KAT2B: variants seen among roughly 807,000 people sequenced by gnomAD.
The protein encoded by KAT2B is lysine acetyltransferase 2B, also known as histone acetyltransferase KAT2B.
Under a neutral mutation model 105.9 loss-of-function variants are expected in KAT2B, and 36 were observed. That is an observed-to-expected ratio of 0.34 (90% confidence interval 0.26 to 0.45). The LOEUF (loss-of-function observed/expected upper bound fraction) is 0.45. KAT2B is among the 20% of genes least tolerant of loss of function. KAT2B has a pLI of 1.00. For missense variants in KAT2B, 820 were observed against 1,021.6 expected, an observed-to-expected ratio of 0.80 and a Z score of 2.69; for synonymous variants, 397 against 377.9, an observed-to-expected ratio of 1.05 and a Z score of -0.59.
chr3:20,052,987 A>G (rs1056983792), intron 1 of KAT2B, among the ~76,000 whole-genome samples: 1 of 152,190 alleles, frequency 6.6e-6, no homozygotes, highest in Non-Finnish European at 1.5e-5. Flanking sequence ...CAAAAAAGAA[A>G]GATGAGGAAA....
chr3:20,117,841 A>T (rs1249143163), intron 7 of KAT2B, among the ~76,000 whole-genome samples: 4 of 152,198 alleles, frequency 2.6e-5, no homozygotes, highest in Admixed American at 2.6e-4. Context: ...CAGCTAGCAA[A>T]GCAGCATCCT....
intron 7 of KAT2B, among the ~76,000 whole-genome samples, chr3:20,116,730 G>T (rs1699213761): frequency 6.6e-6 from 1 of 152,114 alleles, no homozygotes; most frequent in Non-Finnish European, 1.5e-5. Flanking sequence ...GCTCAGCTAA[G>T]ATGCTTCCTT....
chr3:20,110,371 TA>T (rs149128893), intron 5 of KAT2B, among the ~76,000 whole-genome samples: 17 of 147,190 alleles, frequency 1.2e-4, no homozygotes, highest in Middle Eastern at 3.5e-3. Flanking sequence ...TTCTGGGAGA[TA>T]AAAAAAAAAT....
At chr3:20,062,102 TA>T (rs1559514078) in intron 1 of KAT2B, among the ~76,000 whole-genome samples, 2 of 50,202 alleles carry the variant, frequency 4.0e-5, no homozygotes, top group African/African-American at 1.1e-4. Context: ...ATAAAACATA[TA>T]ATATATATTA....
intron 2 of KAT2B, among the ~76,000 whole-genome samples, chr3:20,085,279 T>C: frequency 6.6e-6 from 1 of 152,218 alleles, no homozygotes; most frequent in East Asian, 1.9e-4. Flanking sequence ...TTGACCTAAT[T>C]GTCTGCAGAA....
intron 3 of KAT2B, among the ~76,000 whole-genome samples, chr3:20,095,705 G>A (rs1698796562): frequency 6.6e-6 from 1 of 152,160 alleles, no homozygotes; most frequent in East Asian, 1.9e-4. Context: ...TCTGCATGTG[G>A]CACTAACGTA....
chr3:20,048,093 A>G (rs549576486), intron 1 of KAT2B, among the ~76,000 whole-genome samples: 285 of 152,352 alleles, frequency 1.9e-3, no homozygotes, highest in Non-Finnish European at 3.3e-3. Context: ...CTTTAGCCAC[A>G]TAAGTTTATT....
At chr3:20,093,156 A>G (rs1698752610) in intron 2 of KAT2B, among the ~76,000 whole-genome samples, 1 of 152,190 alleles carries the variant, frequency 6.6e-6, no homozygotes, top group Admixed American at 6.5e-5. Context: ...ACTCTGAGAC[A>G]AGGATTTGAG....
chr3:20,047,082 T>C (rs200341228), intron 1 of KAT2B, among the ~76,000 whole-genome samples: 7 of 135,798 alleles, frequency 5.2e-5, no homozygotes, highest in East Asian at 3.2e-4. Context: ...TGCCCCCCCC[T>C]TTTTTTTTTC....
At chr3:20,096,498 T>C (rs1698814026) in intron 3 of KAT2B, among the ~76,000 whole-genome samples, 1 of 152,146 alleles carries the variant, frequency 6.6e-6, no homozygotes, top group Admixed American at 6.5e-5. Flanking sequence ...GAGGGCATTG[T>C]AGATTATGTT....
chr3:20,062,383 T>C (rs1250307840), intron 1 of KAT2B, among the ~76,000 whole-genome samples: 10 of 116,126 alleles, frequency 8.6e-5, no homozygotes, highest in Non-Finnish European at 1.4e-4. Context: ...ATATATTATA[T>C]ATAACATAAT....
intron 5 of KAT2B, among the ~76,000 whole-genome samples, chr3:20,102,133 T>C (rs56042248): frequency 0.18 from 27,253 of 151,966 alleles, 2,561 homozygotes; most frequent in Middle Eastern, 0.23. Flanking sequence ...CTGGCCAATA[T>C]GGTGAAACCC....
intron 1 of KAT2B, among the ~76,000 whole-genome samples, chr3:20,041,738 A>G (rs1262321242): frequency 6.6e-6 from 1 of 152,164 alleles, no homozygotes. Context: ...GGGAAGAGAC[A>G]CACTCACACA....
At chr3:20,138,888 G>A (rs2125190419) in intron 12 of KAT2B, among the ~76,000 whole-genome samples, 1 of 152,052 alleles carries the variant, frequency 6.6e-6, no homozygotes, top group Non-Finnish European at 1.5e-5. Flanking sequence ...GTTTTGGTTT[G>A]GATTTTGTTT....
chr3:20,151,558 GTCTAT>G (rs1024098431), intron 17 of KAT2B, among the ~76,000 whole-genome samples: 3 of 152,014 alleles, frequency 2.0e-5, no homozygotes, highest in Non-Finnish European at 2.9e-5. Flanking sequence ...AAATGTTAGC[GTCTAT>G]TCTAATCTGC....
chr3:20,107,997 A>T (rs760534103), intron 5 of KAT2B, among the ~76,000 whole-genome samples: 3 of 151,546 alleles, frequency 2.0e-5, no homozygotes, highest in Non-Finnish European at 4.4e-5. Flanking sequence ...TTTAGTAGAG[A>T]TGGGGTTTCA....
intron 5 of KAT2B, among the ~76,000 whole-genome samples, chr3:20,107,023 T>A (rs1204023811): frequency 4.4e-4 from 21 of 48,274 alleles, no homozygotes; most frequent in Non-Finnish European, 6.7e-4. Context: ...ATATTTTTTT[T>A]TTTTTTTTTT....
Position 20,099,858 on chromosome 3 carries a change from G to A in KAT2B, c.577-4G>A. 1 of 1,516,554 alleles carries A rather than the reference G, an allele frequency of 6.6e-7. No individual in the cohort carries two copies. Among genetic ancestry groups the A allele is most frequent in the East Asian group, 2.3e-5 (1 of 44,418 alleles). The allele number at this position is 1,516,554 out of a possible 1,614,324, so 93.9% of individuals were successfully genotyped here. A position where few individuals can be genotyped will look rare whatever the true frequency, so the allele number is the denominator to read the frequency against. ...TTTTCTTTTTTTTAATGATTTCTTTGCAGCTCTTGAGAAAGTCTATTTTAC... is the reference window on the plus strand; with the variant it reads ...TTTTCTTTTTTTTAATGATTTCTTTACAGCTCTTGAGAAAGTCTATTTTAC... On this transcript the variant is annotated splice_region_variant and splice_polypyrimidine_tract_variant and intron_variant, in intron 3 of 17. Transcript: ENST00000263754.
intron 5 of KAT2B, among the ~76,000 whole-genome samples, chr3:20,105,145 T>G (rs1575136139): frequency 6.6e-6 from 1 of 152,118 alleles, no homozygotes; most frequent in East Asian, 1.9e-4. Context: ...CTCGTCCTCC[T>G]AAAGTGCTGG....
Sources: allele counts gnomAD v4.1 joint callset (sites outside exome capture counted in the v4.1 genomes callset), GRCh38; gene constraint gnomAD v4.1.1; transcripts MANE v1.5; gene names NCBI Gene and HGNC (gene_info 2026-07-23, HGNC 2026-07-21).